Variants in EPHA4 observed in about 807,000 individuals in gnomAD.
EPHA4 encodes the protein ephrin type-A receptor 4.
In EPHA4, 19 loss-of-function variants were observed where a neutral mutation model predicts 108.3. The ratio of observed to expected loss-of-function variants is 0.18; its 90% CI spans 0.12 to 0.26. The LOEUF (loss-of-function observed/expected upper bound fraction) is 0.26, where lower values mean the gene tolerates loss of function less well. EPHA4 is among the 10% of genes least tolerant of loss of function. The pLI, the probability that EPHA4 is intolerant of heterozygous loss-of-function variation, is 1.00. For missense variants in EPHA4, 917 were observed against 1,254.0 expected, an observed-to-expected ratio of 0.73 and a Z score of 4.06; for synonymous variants, 449 against 455.5, an observed-to-expected ratio of 0.99 and a Z score of 0.18.
chr2:221,471,898 C>T (rs1022099331), intron 5 of EPHA4, among the ~76,000 whole-genome samples: 2 of 152,066 alleles, frequency 1.3e-5, no homozygotes. Context: ...GAACCTTTAT[C>T]ACAAACCTTA....
At chr2:221,451,509 G>A (rs919141522) in intron 8 of EPHA4, among the ~76,000 whole-genome samples, 1 of 152,112 alleles carries the variant, frequency 6.6e-6, no homozygotes, top group Non-Finnish European at 1.5e-5. Flanking sequence ...TATACATGTG[G>A]AAATGTTGAT....
intron 5 of EPHA4, among the ~76,000 whole-genome samples, chr2:221,467,599 A>G (rs968213848): frequency 6.6e-6 from 1 of 152,204 alleles, no homozygotes; most frequent in African/African-American, 2.4e-5. Flanking sequence ...GTTAGCTAGT[A>G]TCTTGAATTA....
chr2:221,423,289 G>A (rs1689808431), intron 17 of EPHA4, among the ~76,000 whole-genome samples: 1 of 152,222 alleles, frequency 6.6e-6, no homozygotes, highest in Non-Finnish European at 1.5e-5. Flanking sequence ...ATTTCCCAGT[G>A]TCAACATTTC....
chr2:221,473,603 T>C (rs1475225845), intron 5 of EPHA4, among the ~76,000 whole-genome samples: 1 of 149,174 alleles, frequency 6.7e-6, no homozygotes, highest in African/African-American at 2.5e-5. Flanking sequence ...AGGGGGTTAA[T>C]GGAAGCTTTG....
chr2:221,532,828 C>T (rs1693559425), intron 3 of EPHA4: 1 of 152,590 alleles, frequency 6.6e-6, no homozygotes, highest in African/African-American at 2.4e-5. Context: ...CTCACATAGC[C>T]TAGCCCTTCT....
chr2:221,528,143 T>A (rs898928883), intron 3 of EPHA4, among the ~76,000 whole-genome samples: 1 of 152,126 alleles, frequency 6.6e-6, no homozygotes, highest in Non-Finnish European at 1.5e-5. Context: ...GCAAGATTCC[T>A]GATACAAAGG....
intron 8 of EPHA4, among the ~76,000 whole-genome samples, chr2:221,448,379 GAGTTAATTATA>G (rs1260493923): frequency 6.6e-6 from 1 of 152,118 alleles, no homozygotes; most frequent in Non-Finnish European, 1.5e-5. Flanking sequence ...TACCTGGTGA[GAGTTAATTATA>G]AGTAGTATTA....
At chr2:221,427,698 C>T (rs1041276015) in intron 15 of EPHA4, among the ~76,000 whole-genome samples, 34 of 152,096 alleles carry the variant, frequency 2.2e-4, no homozygotes, top group African/African-American at 7.7e-4. Flanking sequence ...TAAGTACAAA[C>T]ATTTAAATCA....
At chr2:221,432,293 C>T (rs182343996) in intron 14 of EPHA4, among the ~76,000 whole-genome samples, 2 of 152,042 alleles carry the variant, frequency 1.3e-5, no homozygotes, top group Non-Finnish European at 2.9e-5. Flanking sequence ...GCTTAAGTAT[C>T]GAATAATTAC....
In EPHA4 at chr2:221,545,237, AGGTGGGCGGATCACGAGGTCG is replaced by A. The variant is rs1454349978; in HGVS notation, c.823+18473_823+18493del. Among the ~76,000 whole-genome samples, 171 of 55,056 alleles carry A rather than the reference AGGTGGGCGGATCACGAGGTCG, an allele frequency of 3.1e-3. 1 individual carries two copies. Among genetic ancestry groups the A allele is most frequent in the African/African-American group, 0.018 (157 of 8,928 alleles). 36.1% of individuals were successfully genotyped at this position (55,056 alleles called of 152,430 possible). A position where few individuals can be genotyped will look rare whatever the true frequency, so the allele number is the denominator to read the frequency against. ...CCGAGGTGGGCGGATCACGAGGTCGAGGTGGGCGGATCACGAGGTCGGGAGATCGAGACCTTCCTGGCTAAC... is the reference window on the plus strand; with the variant it reads ...CCGAGGTGGGCGGATCACGAGGTCGAGGAGATCGAGACCTTCCTGGCTAAC... On this transcript the variant is annotated intron_variant, in intron 3 of 17. Coordinates refer to ENST00000281821, the MANE Select transcript of EPHA4 (RefSeq NM_004438.5).
chr2:221,564,256 C>G lies in EPHA4; in HGVS notation c.298G>C (p.Glu100Gln), dbSNP rs1694557642. The change falls in exon 3 of 18, where the codon GAG becomes CAG. Residue 100 changes from glutamate (E) to glutamine (Q), a missense_variant. Glu to Gln is a conservative substitution (Grantham distance 29). Transcript: ENST00000281821. ...TREGAQRVYI[E>Q]IKFTLRDCNS... ...CAGTCCCTCAAGGTGAATTTAATCT[C>G]AATATACACCCTCTGAGCCCCTTCT... The G allele has an allele frequency of 6.2e-7, 1 of 1,613,992 alleles. No homozygotes were observed. Among genetic ancestry groups the G allele is most frequent in the Admixed American group, 1.7e-5 (1 of 59,994 alleles).
chr2:221,473,296 G>T, intron 5 of EPHA4, among the ~76,000 whole-genome samples: 1 of 151,996 alleles, frequency 6.6e-6, no homozygotes, highest in Non-Finnish European at 1.5e-5. Flanking sequence ...TAGACCAAAG[G>T]TTTGCTTATC....
Position 221,555,707 on chromosome 2 carries a change from G to A in EPHA4, c.823+8024C>T, listed in dbSNP as rs527390079. On this transcript the variant is annotated intron_variant, in intron 3 of 17. Coordinates refer to ENST00000281821, the MANE Select transcript of EPHA4 (RefSeq NM_004438.5). ...TGCCTTAAGTGAGATACAGTCTCTC[G>A]GGGTACAGGGGACAGCTGAGGCCTT... Among the ~76,000 whole-genome samples, 82 of 152,246 alleles carry A rather than the reference G, an allele frequency of 5.4e-4. No homozygotes were observed. In the South Asian group the frequency reaches 0.015, roughly 29 times the overall value.
intron 3 of EPHA4, among the ~76,000 whole-genome samples, chr2:221,546,450 A>G (rs1305545617): frequency 6.6e-6 from 1 of 151,534 alleles, no homozygotes; most frequent in Admixed American, 6.6e-5. Flanking sequence ...TTTCTTTTTT[A>G]TTTTTATCAG....
chr2:221,445,665 C>T (rs1319363336), intron 9 of EPHA4, among the ~76,000 whole-genome samples: 1 of 151,436 alleles, frequency 6.6e-6, no homozygotes, highest in South Asian at 2.1e-4. Context: ...TCTTTGACCT[C>T]TTTGGAACAT....
chr2:221,439,600 G>T (rs946024121), intron 11 of EPHA4, among the ~76,000 whole-genome samples: 1 of 151,720 alleles, frequency 6.6e-6, no homozygotes, highest in Non-Finnish European at 1.5e-5. Flanking sequence ...GGATCCTCCT[G>T]CCTCAGCCTC....
intron 3 of EPHA4, among the ~76,000 whole-genome samples, chr2:221,507,849 A>C (rs1692679333): frequency 6.6e-6 from 1 of 152,198 alleles, no homozygotes; most frequent in South Asian, 2.1e-4. Flanking sequence ...TTCAGCAAGA[A>C]TACCAAACTT....
intron 3 of EPHA4, among the ~76,000 whole-genome samples, chr2:221,528,078 T>C (rs759159753): frequency 1.3e-5 from 2 of 150,394 alleles, no homozygotes; most frequent in Non-Finnish European, 3.0e-5. Context: ...ACAAACCTTA[T>C]CTGTTGTTTA....
intron 5 of EPHA4, among the ~76,000 whole-genome samples, chr2:221,463,423 CT>C (rs1165961056): frequency 6.6e-6 from 1 of 152,120 alleles, no homozygotes; most frequent in South Asian, 2.1e-4. Context: ...TGCTATGTAC[CT>C]GTGGTTACAT....
Sources: gnomAD v4.1 joint callset for allele counts (sites outside exome capture counted in the v4.1 genomes callset) on GRCh38, gnomAD v4.1.1 for gene constraint, MANE v1.5 for transcripts, NCBI Gene and HGNC (gene_info 2026-07-23, HGNC 2026-07-21) for gene names.